KCNQ2: variants seen among roughly 807,000 people sequenced by gnomAD.
The protein encoded by KCNQ2 is potassium voltage-gated channel subfamily Q member 2, also known as potassium voltage-gated channel subfamily KQT member 2.
A neutral mutation model predicts 84.8 loss-of-function variants in KCNQ2; 14 were observed. The ratio of observed to expected loss-of-function variants is 0.17; its 90% CI spans 0.11 to 0.26. The LOEUF (loss-of-function observed/expected upper bound fraction) is 0.26. KCNQ2 is among the 10% of genes least tolerant of loss of function. KCNQ2 has a pLI of 1.00. For missense variants in KCNQ2, 788 were observed against 1,254.0 expected, an observed-to-expected ratio of 0.63 and a Z score of 5.61; for synonymous variants, 599 against 554.1, an observed-to-expected ratio of 1.08 and a Z score of -1.14.
At chr20:63,442,951 C>A (rs1485314157) in intron 4 of KCNQ2, among the ~76,000 whole-genome samples, 1 of 78,412 alleles carries the variant, frequency 1.3e-5, no homozygotes, top group Non-Finnish European at 2.7e-5. Flanking sequence ...CCATCACCAT[C>A]ATCACCATCA....
rs2079823275 is a variant in KCNQ2 at position 63,402,143 on chromosome 20, C to G, written c.*4501G>C. 6.2e-6 allele frequency: 1 copy of G among 162,342 alleles called. No individual in the cohort carries two copies. Among genetic ancestry groups the G allele is most frequent in the African/African-American group, 2.5e-5 (1 of 39,808 alleles). 10.1% of individuals were successfully genotyped at this position (162,342 alleles called of 1,614,324 possible). A position where few individuals can be genotyped will look rare whatever the true frequency, so the allele number is the denominator to read the frequency against. On this transcript the variant is annotated 3_prime_UTR_variant, in exon 17 of 17. Transcript: ENST00000359125. ...GTCTGCTGGGCACCCTCCACCAGGTCCAAGTCTCGTGAGCCGTTCCTCTCA... is the reference window on the plus strand; with the variant it reads ...GTCTGCTGGGCACCCTCCACCAGGTGCAAGTCTCGTGAGCCGTTCCTCTCA...
At chr20:63,455,251 C>T (rs1336557758) in intron 1 of KCNQ2, among the ~76,000 whole-genome samples, 1 of 152,200 alleles carries the variant, frequency 6.6e-6, no homozygotes, top group African/African-American at 2.4e-5. Context: ...GTTCAACTTC[C>T]GGAGCTTCCC....
intron 10 of KCNQ2, among the ~76,000 whole-genome samples, chr20:63,426,348 T>C (rs2080635331): frequency 6.6e-6 from 1 of 152,246 alleles, no homozygotes; most frequent in Admixed American, 6.5e-5. Context: ...GCCTTCAGCA[T>C]GAGGCTGTCT....
Position 63,428,079 on chromosome 20 carries a change from C to T in KCNQ2, c.1217+288G>A, listed in dbSNP as rs1000684242. 4.6e-5 allele frequency among the ~76,000 whole-genome samples: 7 copies of T among 152,338 alleles called. No individual in the cohort carries two copies. In the East Asian group the frequency reaches 9.7e-4, roughly 21 times the overall value. On this transcript the variant is annotated intron_variant, in intron 10 of 16. Transcript: ENST00000359125. ...CTGGGACACTTTGTCGTACGACCCA[C>T]GCGCCTGGGCCCCATTAGGAGCCAT... is the stretch of plus-strand genomic sequence containing the variant.
At chr20:63,450,730 A>G (rs1046765657) in intron 1 of KCNQ2, among the ~76,000 whole-genome samples, 1 of 151,886 alleles carries the variant, frequency 6.6e-6, no homozygotes, top group African/African-American at 2.4e-5. Flanking sequence ...GGGAGGGCAG[A>G]CCTGTGCAGA....
In KCNQ2 at chr20:63,424,314, G is replaced by T. The variant is rs908850590; in HGVS notation, c.1218-108C>A. 13 of 1,308,086 alleles carry T rather than the reference G, an allele frequency of 9.9e-6. No individual in the cohort carries two copies. The Admixed American group carries it at 2.2e-4, about 22-fold the overall frequency. The allele number at this position is 1,308,086 out of a possible 1,614,324, so 81.0% of individuals were successfully genotyped here. A position where few individuals can be genotyped will look rare whatever the true frequency, so the allele number is the denominator to read the frequency against. Reference sequence around the variant, plus strand: ...CCCATGGGTCAGGGGCTGCAGGGGAGGGGGGTCTCAGAAAAGGCTGGGCAG... The same window carrying T: ...CCCATGGGTCAGGGGCTGCAGGGGATGGGGGTCTCAGAAAAGGCTGGGCAG... On this transcript the variant is annotated intron_variant, in intron 10 of 16. Coordinates refer to ENST00000359125, the MANE Select transcript of KCNQ2 (RefSeq NM_172107.4).
At chr20:63,431,461 G>GACA in intron 8 of KCNQ2, 92 bp from the exon 9 acceptor site, 1 of 1,371,248 alleles carries the variant, frequency 7.3e-7, no homozygotes, top group South Asian at 1.2e-5. Context: ...AATAGTTGAG[G>GACA]AAAGTAGGGG....
At chr20:63,412,929 C>G (rs1480344244) in intron 15 of KCNQ2, among the ~76,000 whole-genome samples, 1 of 152,130 alleles carries the variant, frequency 6.6e-6, no homozygotes, top group Non-Finnish European at 1.5e-5. Context: ...TAGGGGACAC[C>G]TATGCCAAGG....
At chr20:63,413,388 G>A (rs756898134) in intron 15 of KCNQ2, 62 bp downstream of exon 15, 1 of 1,603,672 alleles carries the variant, frequency 6.2e-7, no homozygotes, top group East Asian at 2.2e-5. Flanking sequence ...GCCACAGTGG[G>A]CTTTGTCCCA....
Position 63,406,607 on chromosome 20 carries a change from G to C in KCNQ2, c.*37C>G. 5.1e-6 allele frequency: 8 copies of C among 1,560,140 alleles called. No individual in the cohort carries two copies. The highest frequency in any genetic ancestry group is 6.9e-6 in the Non-Finnish European group (8 of 1,159,484). ...CAAAACCTCGGAGGCACCGTGCTGA[G>C]GAGGGCCGCGGGCGGGTCCACTGGC... On this transcript the variant is annotated 3_prime_UTR_variant, in exon 17 of 17. Coordinates refer to ENST00000359125, the MANE Select transcript of KCNQ2 (RefSeq NM_172107.4).
At chr20:63,451,251 T>C (rs931742376) in intron 1 of KCNQ2, among the ~76,000 whole-genome samples, 10 of 152,108 alleles carry the variant, frequency 6.6e-5, no homozygotes, top group Non-Finnish European at 1.5e-5. Flanking sequence ...GCCTCTGTCT[T>C]CACCGCCGCT....
rs1049265284 is a variant in KCNQ2, at chr20:63,414,815, C to T, written c.1525+88G>A. 4 of 1,313,846 alleles carry T rather than the reference C, an allele frequency of 3.0e-6. No homozygotes were observed. The highest frequency in any genetic ancestry group is 2.9e-5 in the African/African-American group (2 of 69,082). 81.4% of individuals were successfully genotyped at this position (1,313,846 alleles called of 1,614,324 possible). ...CCACTCCAAGAGCAAGCAAAAGCAG[C>T]TGCGACGCCACAGGGTGGCCACAGT... On this transcript the variant is annotated intron_variant, in intron 13 of 16. Coordinates refer to ENST00000359125, the MANE Select transcript of KCNQ2 (RefSeq NM_172107.4). The surrounding 1 kb of genome is among the most constrained non-coding windows in gnomAD (Gnocchi z 6.6).
At chr20:63,415,906 G>A (rs531568950) in intron 12 of KCNQ2, among the ~76,000 whole-genome samples, 1 of 152,186 alleles carries the variant, frequency 6.6e-6, no homozygotes, top group African/African-American at 2.4e-5. Flanking sequence ...CCCCAGAGTC[G>A]AGGGGCCAGG....
At position 63,408,362 on chromosome 20, in the gene KCNQ2, C is replaced by A. The variant is rs1258589324; in HGVS notation, c.1887+51G>T. The A allele has an allele frequency of 1.3e-6, 2 of 1,597,186 alleles. No homozygotes were observed. Among genetic ancestry groups the A allele is most frequent in the South Asian group, 2.2e-5 (2 of 90,540 alleles). On this transcript the variant is annotated intron_variant, in intron 16 of 16. Coordinates refer to ENST00000359125, the MANE Select transcript of KCNQ2 (RefSeq NM_172107.4). This position sits in a 1 kb window ranked among gnomAD's most constrained non-coding sequence, Gnocchi z 5.0. ...AGCCCACACTGCCACAGGTTGACGG[C>A]AGGCACCACAGCCCTCCAGCCCCGC...
rs587780366 is a variant in KCNQ2, at chr20:63,406,982, C to T, written c.2281G>A (p.Ala761Thr). ...SLSAYGGGNRASMEFLRQEDT... is the reference protein window; with the variant it reads ...SLSAYGGGNRTSMEFLRQEDT... ...TCCTGCCGCAGGAACTCCATGCTGG[C>T]GCGGTTGCCCCCGCCGTAGGCGGAC... Residue 761 changes from alanine to threonine, a missense_variant, in exon 17 of 17, where the codon GCC (alanine) becomes ACC (threonine). Ala to Thr is a moderately conservative substitution (Grantham distance 58). Transcript: ENST00000359125. The T allele has an allele frequency of 4.6e-6, 7 of 1,528,100 alleles. No individual in the cohort carries two copies. Among genetic ancestry groups the T allele is most frequent in the South Asian group, 1.2e-5 (1 of 83,434 alleles). The allele number at this position is 1,528,100 out of a possible 1,614,324, so 94.7% of individuals were successfully genotyped here.
At chr20:63,431,318 C>T (rs372243359) in intron 9 of KCNQ2, 22 bp downstream of exon 9, 3 of 1,613,260 alleles carry the variant, frequency 1.9e-6, no homozygotes, top group South Asian at 1.1e-5. Flanking sequence ...ACACACAGGG[C>T]TTCTGTCCAT....
intron 1 of KCNQ2, among the ~76,000 whole-genome samples, chr20:63,464,237 G>C (rs1432124916): frequency 1.3e-5 from 2 of 152,012 alleles, no homozygotes; most frequent in Non-Finnish European, 2.9e-5. Context: ...TGCTGGCCCT[G>C]GGCTGGGAGC....
At chr20:63,434,003 G>C in intron 7 of KCNQ2, 100 bp from the exon 8 acceptor site, 1 of 996,262 alleles carries the variant, frequency 1.0e-6, no homozygotes, top group Non-Finnish European at 1.5e-6. Context: ...GGACCCCCAT[G>C]CTGTAGGCCA....
chr20:63,418,620 G>C (rs550495763), intron 12 of KCNQ2, among the ~76,000 whole-genome samples: 1 of 152,198 alleles, frequency 6.6e-6, no homozygotes, highest in African/African-American at 2.4e-5. Context: ...ACCAGCCTGC[G>C]GCCAGAAGCA....
Sources: allele counts gnomAD v4.1 joint callset (sites outside exome capture counted in the v4.1 genomes callset), GRCh38; gene constraint gnomAD v4.1.1; non-coding constraint Gnocchi (gnomAD v3.1); transcripts MANE v1.5; gene names NCBI Gene and HGNC (gene_info 2026-07-23, HGNC 2026-07-21).